Variants in NTRK2 observed in about 807,000 individuals in gnomAD.
The protein encoded by NTRK2 is BDNF/NT-3 growth factors receptor.
Under a neutral mutation model 94.5 loss-of-function variants are expected in NTRK2, and 13 were observed. The observed-to-expected ratio is 0.14, with a 90% CI of 0.09 to 0.22. The LOEUF (loss-of-function observed/expected upper bound fraction) is 0.22, where lower values mean the gene tolerates loss of function less well. Ranked by LOEUF, NTRK2 falls within the 10% of genes least tolerant of loss-of-function variation. The probability of loss-of-function intolerance (pLI) is 1.00; values close to 1 mark genes in which losing one functional copy is unlikely to be tolerated. For synonymous variants in NTRK2, 372 were observed against 407.4 expected (o/e 0.91, Z 1.05); for missense variants, 639 against 1,071.2 (o/e 0.60, Z 5.63).
At chr9:84,711,658 C>T (rs1564104365) in intron 6 of NTRK2, among the ~76,000 whole-genome samples, 1 of 152,192 alleles carries the variant, frequency 6.6e-6, no homozygotes, top group Non-Finnish European at 1.5e-5. Context: ...CACAAGGAAT[C>T]TGTGTATTAA....
chr9:84,682,471 A>AG (rs1400298508), intron 2 of NTRK2, among the ~76,000 whole-genome samples: 2 of 152,116 alleles, frequency 1.3e-5, no homozygotes, highest in African/African-American at 4.8e-5. Flanking sequence ...GCAGCCTCTG[A>AG]GGGGCTGTCA....
At chr9:84,866,376 T>G (rs752172473) in intron 13 of NTRK2, among the ~76,000 whole-genome samples, 2 of 152,220 alleles carry the variant, frequency 1.3e-5, no homozygotes, top group Admixed American at 6.5e-5. Flanking sequence ...AAGCAAATAT[T>G]ATTTTGCATA....
chr9:84,934,386 G>A (rs966413328), intron 15 of NTRK2, 94 bp downstream of exon 15: 11 of 1,356,562 alleles, frequency 8.1e-6, no homozygotes, highest in Non-Finnish European at 9.3e-6. Flanking sequence ...GCCAATGCAG[G>A]AGTAAATTGT....
intron 14 of NTRK2, among the ~76,000 whole-genome samples, chr9:84,881,459 T>C (rs960235609): frequency 1.3e-5 from 2 of 152,186 alleles, no homozygotes; most frequent in Non-Finnish European, 2.9e-5. Flanking sequence ...TATTGGCAAT[T>C]TTGTAAGTTC....
chr9:84,688,095 C>T (rs1012972561), intron 2 of NTRK2, among the ~76,000 whole-genome samples: 2 of 152,156 alleles, frequency 1.3e-5, no homozygotes, highest in Admixed American at 6.5e-5. Context: ...CTGCTCAGGC[C>T]GTAGGAGTGG....
At chr9:84,999,021 T>C (rs1326138566) in intron 17 of NTRK2, among the ~76,000 whole-genome samples, 5 of 152,184 alleles carry the variant, frequency 3.3e-5, no homozygotes, top group Non-Finnish European at 7.3e-5. Context: ...TTTGAGGTTC[T>C]TGGTGCATCT....
chr9:84,795,362 G>T (rs2069185924), intron 12 of NTRK2, among the ~76,000 whole-genome samples: 1 of 152,164 alleles, frequency 6.6e-6, no homozygotes. Context: ...CACGCCCAGG[G>T]ACAGTCTTGG....
At chr9:84,924,174 T>A (rs2077662318) in intron 14 of NTRK2, among the ~76,000 whole-genome samples, 1 of 146,114 alleles carries the variant, frequency 6.8e-6, no homozygotes, top group Non-Finnish European at 1.5e-5. Flanking sequence ...ATCATGCCAC[T>A]GCACTGCACT....
At chr9:84,912,317 T>C (rs1268099421) in intron 14 of NTRK2, among the ~76,000 whole-genome samples, 2 of 152,198 alleles carry the variant, frequency 1.3e-5, no homozygotes, top group Non-Finnish European at 2.9e-5. Context: ...TTCTGTCTAA[T>C]GGATTTATCA....
At position 84,802,864 on chromosome 9, in the gene NTRK2, G is replaced by A. The variant is rs750582628; in HGVS notation, c.1396+50779G>A. Among the ~76,000 whole-genome samples the A allele has an allele frequency of 5.3e-5, 8 of 152,274 alleles. No individual in the cohort carries two copies. In the South Asian group the frequency reaches 8.3e-4, roughly 16 times the overall value. ...CCAGATGTGGAAAAGCTTTAGGAGC[G>A]TGGATTCTGTGCTCGTGACGTGAAT... On this transcript the variant is annotated intron_variant, in intron 12 of 18. Coordinates refer to ENST00000277120, the MANE Select transcript of NTRK2 (RefSeq NM_006180.6).
At chr9:84,851,545 A>G (rs1358000961) in intron 12 of NTRK2, among the ~76,000 whole-genome samples, 4 of 151,934 alleles carry the variant, frequency 2.6e-5, no homozygotes, top group Admixed American at 6.5e-5. Context: ...ATACAATTAA[A>G]TAAACATTTT....
intron 9 of NTRK2, among the ~76,000 whole-genome samples, chr9:84,741,390 G>A (rs1405066331): frequency 6.6e-6 from 1 of 152,170 alleles, no homozygotes; most frequent in African/African-American, 2.4e-5. Context: ...CTGAAGATAA[G>A]GTGGAGAATA....
At chr9:84,772,676 G>T (rs2066671263) in intron 12 of NTRK2, among the ~76,000 whole-genome samples, 1 of 152,170 alleles carries the variant, frequency 6.6e-6, no homozygotes, top group Non-Finnish European at 1.5e-5. Context: ...ACAAAAGAGG[G>T]GGATGATTCA....
At chr9:84,891,210 A>G (rs1048893661) in intron 14 of NTRK2, among the ~76,000 whole-genome samples, 1 of 151,818 alleles carries the variant, frequency 6.6e-6, no homozygotes, top group African/African-American at 2.4e-5. Context: ...TCTTCACGTC[A>G]TGGAGGACTC....
intron 12 of NTRK2, among the ~76,000 whole-genome samples, chr9:84,808,816 T>C (rs923121194): frequency 3.9e-5 from 6 of 152,188 alleles, no homozygotes; most frequent in Admixed American, 6.5e-5. Context: ...CTCCATAGAC[T>C]CTTTTAGCAT....
chr9:84,751,334 C>A (rs952831390), intron 11 of NTRK2, among the ~76,000 whole-genome samples: 2 of 152,144 alleles, frequency 1.3e-5, no homozygotes, highest in African/African-American at 4.8e-5. Context: ...ATTCCCAGAA[C>A]TTTGGGAGGT....
chr9:84,740,691 A>C (rs529299478), intron 9 of NTRK2, among the ~76,000 whole-genome samples: 1 of 152,384 alleles, frequency 6.6e-6, no homozygotes, highest in East Asian at 1.9e-4. Flanking sequence ...AGCAGTATGC[A>C]GCATCCCTGG....
chr9:84,730,986 C>T (rs941749368), intron 9 of NTRK2, among the ~76,000 whole-genome samples: 6 of 152,018 alleles, frequency 3.9e-5, no homozygotes, highest in Non-Finnish European at 8.8e-5. Flanking sequence ...AGATCCCCCC[C>T]TTCCCTTTTT....
intron 17 of NTRK2, among the ~76,000 whole-genome samples, chr9:84,999,263 A>G (rs1488644551): frequency 3.3e-5 from 5 of 152,152 alleles, no homozygotes; most frequent in Non-Finnish European, 7.3e-5. Context: ...GCTTGTGATA[A>G]CATGCATAAG....
Sources: gnomAD v4.1 joint callset for allele counts (sites outside exome capture counted in the v4.1 genomes callset) on GRCh38, gnomAD v4.1.1 for gene constraint, MANE v1.5 for transcripts, NCBI Gene and HGNC (gene_info 2026-07-23, HGNC 2026-07-21) for gene names.